Variants in CFAP58 observed in about 807,000 individuals in gnomAD.
CFAP58 encodes cilia- and flagella-associated protein 58.
Under a neutral mutation model 119.5 loss-of-function variants are expected in CFAP58, and 88 were observed. The ratio of observed to expected loss-of-function variants is 0.74; its 90% CI spans 0.62 to 0.88. CFAP58 has a LOEUF of 0.88. CFAP58 is among the 40% of genes least tolerant of loss of function. The probability of loss-of-function intolerance (pLI) is 0.00; values close to 1 mark genes in which losing one functional copy is unlikely to be tolerated. For synonymous variants in CFAP58, 365 were observed against 366.3 expected (o/e 1.00, Z 0.04); for missense variants, 990 against 1,021.2 (o/e 0.97, Z 0.42).
At chr10:104,414,239 T>C (rs931173021) in intron 15 of CFAP58, among the ~76,000 whole-genome samples, 6 of 152,170 alleles carry the variant, frequency 3.9e-5, no homozygotes, top group African/African-American at 1.2e-4. Context: ...ATTTTAAACA[T>C]TGACAGTCTT....
the CFAP58 span, among the ~76,000 whole-genome samples, chr10:104,341,411 A>G: frequency 6.6e-6 from 1 of 151,900 alleles, no homozygotes; most frequent in Admixed American, 6.6e-5. Context: ...AATTTGAAAA[A>G]GAGTATCAAA....
chr10:104,356,587 CCTTTGAATGTAATTCAGTGT>C (rs1217414738), intron 1 of CFAP58, among the ~76,000 whole-genome samples: 1 of 152,192 alleles, frequency 6.6e-6, no homozygotes, highest in Non-Finnish European at 1.5e-5. Context: ...AATCCGTACT[CCTTTGAATGTAATTCAGTGT>C]CTTCACTGTG....
At chr10:104,378,950 C>A (rs188388839) in intron 8 of CFAP58, among the ~76,000 whole-genome samples, 115 of 152,082 alleles carry the variant, frequency 7.6e-4, no homozygotes, top group Non-Finnish European at 1.4e-3. Flanking sequence ...GGGTCCTATC[C>A]CAGACCCACT....
At chr10:104,376,946 A>T in intron 8 of CFAP58, 53 bp downstream of exon 8, 1 of 1,372,972 alleles carries the variant, frequency 7.3e-7, no homozygotes, top group Non-Finnish European at 1.0e-6. Flanking sequence ...CAGCACTGTA[A>T]TATCTGGCTA....
In CFAP58 at chr10:104,448,155, A is replaced by G. The variant is rs2013139742; in HGVS notation, c.2376+338A>G. Among the ~76,000 whole-genome samples the G allele has an allele frequency of 2.6e-5, 4 of 152,192 alleles. No individual in the cohort carries two copies. The South Asian group carries it at 8.3e-4, about 32-fold the overall frequency. ...AGTACTTGAAGGGCAGGGAGGAGCA[A>G]AGGAAATATTTTAACACCATTGACC... On this transcript the variant is annotated intron_variant, in intron 16 of 17. Coordinates refer to ENST00000369704, the MANE Select transcript of CFAP58 (RefSeq NM_001008723.2).
At chr10:104,344,395 C>T in the CFAP58 span, among the ~76,000 whole-genome samples, 32 of 152,224 alleles carry the variant, frequency 2.1e-4, no homozygotes, top group Non-Finnish European at 4.6e-4. Flanking sequence ...CAGGCCCAAT[C>T]CAGAGTGCCA....
chr10:104,445,931 A>T (rs946413267), intron 15 of CFAP58, among the ~76,000 whole-genome samples: 16 of 152,220 alleles, frequency 1.1e-4, no homozygotes, highest in African/African-American at 3.9e-4. Flanking sequence ...AGTTTAAGAC[A>T]TTATTATATT....
intron 9 of CFAP58, among the ~76,000 whole-genome samples, chr10:104,380,707 G>A (rs2011773832): frequency 2.6e-5 from 4 of 152,158 alleles, no homozygotes; most frequent in African/African-American, 9.7e-5. Context: ...TATTCAAAGA[G>A]CATTTTTTAT....
intron 15 of CFAP58, among the ~76,000 whole-genome samples, chr10:104,408,229 C>T (rs998183941): frequency 2.6e-5 from 4 of 152,118 alleles, no homozygotes; most frequent in Non-Finnish European, 4.4e-5. Flanking sequence ...ACTTTGGAGT[C>T]CAGAAAGATC....
At chr10:104,357,489 C>A (rs1277418811) in intron 1 of CFAP58, among the ~76,000 whole-genome samples, 1 of 152,112 alleles carries the variant, frequency 6.6e-6, no homozygotes, top group Non-Finnish European at 1.5e-5. Flanking sequence ...ACACCGTGGC[C>A]ACCCCCCGCT....
intron 15 of CFAP58, among the ~76,000 whole-genome samples, chr10:104,440,047 C>T (rs1430868813): frequency 6.6e-6 from 1 of 152,176 alleles, no homozygotes; most frequent in Non-Finnish European, 1.5e-5. Flanking sequence ...TGGCCTCGAT[C>T]TCCTGACCTC....
chr10:104,398,491 G>C (rs951284632), intron 11 of CFAP58, among the ~76,000 whole-genome samples: 6 of 152,198 alleles, frequency 3.9e-5, no homozygotes, highest in African/African-American at 1.4e-4. Context: ...AAACAAACTT[G>C]TGGAATAGAA....
At chr10:104,400,245 C>T (rs1389008966) in intron 12 of CFAP58, among the ~76,000 whole-genome samples, 1 of 152,150 alleles carries the variant, frequency 6.6e-6, no homozygotes. Flanking sequence ...CTCCCAGGCT[C>T]CAGTGATCCT....
chr10:104,343,692 A>G, the CFAP58 span, among the ~76,000 whole-genome samples: 16 of 152,320 alleles, frequency 1.1e-4, no homozygotes, highest in Non-Finnish European at 1.8e-4. Context: ...CCTCTTTTGA[A>G]AAAAATGCAG....
At chr10:104,349,261 CCAAAA>C (rs200006936), upstream of CFAP58, among the ~76,000 whole-genome samples, 139 of 152,096 alleles carry the variant, frequency 9.1e-4, 3 homozygotes, top group African/African-American at 5.8e-4. Context: ...CGCCTCCACA[CCAAAA>C]CAAAACAAAA....
rs549929850 is a variant in CFAP58, at chr10:104,454,720, A to C, written c.*190A>C. The C allele has an allele frequency of 8.9e-6, 5 of 563,222 alleles. No homozygotes were observed. The highest frequency in any genetic ancestry group is 5.9e-5 in the East Asian group (2 of 34,182). 34.9% of individuals were successfully genotyped at this position (563,222 alleles called of 1,614,324 possible). On this transcript the variant is annotated 3_prime_UTR_variant, in exon 18 of 18. Transcript: ENST00000369704. Reference sequence around the variant, plus strand: ...TTGTCTGGTTCACGTTGATATTAACAGATCATAATTCTCTCTGTTCAGTTA... The same window carrying C: ...TTGTCTGGTTCACGTTGATATTAACCGATCATAATTCTCTCTGTTCAGTTA...
intron 13 of CFAP58, among the ~76,000 whole-genome samples, chr10:104,403,029 A>T (rs943205428): frequency 9.9e-5 from 15 of 152,264 alleles, no homozygotes; most frequent in African/African-American, 3.6e-4. Context: ...GAAACATTAA[A>T]CAGTATATTG....
rs777999320 is a variant in CFAP58, at chr10:104,364,705, G to A, written c.441-28G>A. 1.9e-6 allele frequency: 3 copies of A among 1,610,226 alleles called. No homozygotes were observed. The Admixed American group carries it at 5.1e-5, about 27-fold the overall frequency. Reference sequence around the variant, plus strand: ...GGACCCCTGAGCAGATGGCCATTTAGTCTGACTCCTGTGTTCTTCCTTTTT... The same window carrying A: ...GGACCCCTGAGCAGATGGCCATTTAATCTGACTCCTGTGTTCTTCCTTTTT... On this transcript the variant is annotated intron_variant, in intron 3 of 17. Coordinates refer to ENST00000369704, the MANE Select transcript of CFAP58 (RefSeq NM_001008723.2).
At chr10:104,413,544 G>C (rs1361188172) in intron 15 of CFAP58, among the ~76,000 whole-genome samples, 1 of 152,188 alleles carries the variant, frequency 6.6e-6, no homozygotes, top group Non-Finnish European at 1.5e-5. Context: ...CGTACCTGAA[G>C]TGTACCTCCT....
Sources: gnomAD v4.1 joint callset for allele counts (sites outside exome capture counted in the v4.1 genomes callset) on GRCh38, gnomAD v4.1.1 for gene constraint, MANE v1.5 for transcripts, NCBI Gene and HGNC (gene_info 2026-07-23, HGNC 2026-07-21) for gene names.